Variants in COG5 observed in about 807,000 individuals in gnomAD.
The protein encoded by COG5 is conserved oligomeric Golgi complex subunit 5.
A neutral mutation model predicts 110.4 loss-of-function variants in COG5; 86 were observed. The observed-to-expected ratio is 0.78, with a 90% CI of 0.65 to 0.93. The LOEUF (loss-of-function observed/expected upper bound fraction) is 0.93, where lower values mean the gene tolerates loss of function less well. Among genes scored for constraint, COG5 ranks in the 40% least tolerant of loss-of-function variants. The probability of loss-of-function intolerance (pLI) is 0.00; values close to 1 mark genes in which losing one functional copy is unlikely to be tolerated. For missense variants in COG5, 1,077 were observed against 987.0 expected (o/e 1.09, Z -1.22); for synonymous variants, 360 against 334.6 (o/e 1.08, Z -0.83).
intron 12 of COG5, among the ~76,000 whole-genome samples, chr7:107,285,884 CCT>C (rs1805586707): frequency 6.6e-6 from 1 of 151,558 alleles, no homozygotes; most frequent in African/African-American, 2.4e-5. Flanking sequence ...AAAAAAATTC[CCT>C]GTCTTCTTAA....
chr7:107,222,891 T>TA (rs541252214), intron 19 of COG5, among the ~76,000 whole-genome samples: 27 of 150,584 alleles, frequency 1.8e-4, no homozygotes, highest in Admixed American at 4.0e-4. Flanking sequence ...TAGGTCTCAT[T>TA]AAAAAAAAAC....
intron 19 of COG5, among the ~76,000 whole-genome samples, chr7:107,229,028 A>T (rs542874964): frequency 1.3e-5 from 2 of 152,204 alleles, no homozygotes; most frequent in African/African-American, 4.8e-5. Context: ...CTTATTGAGA[A>T]ATCTTCAACC....
chr7:107,332,019 T>C (rs1045507270), intron 10 of COG5, among the ~76,000 whole-genome samples: 1 of 152,058 alleles, frequency 6.6e-6, no homozygotes, highest in Non-Finnish European at 1.5e-5. Context: ...CAGATAATTT[T>C]TGTATTTTTA....
chr7:107,282,410 A>C (rs1433371242), intron 13 of COG5, among the ~76,000 whole-genome samples: 4 of 152,230 alleles, frequency 2.6e-5, no homozygotes, highest in African/African-American at 7.2e-5. Context: ...AGTCAGAAGG[A>C]AAGTCAAGGC....
intron 5 of COG5, among the ~76,000 whole-genome samples, chr7:107,547,845 T>G (rs560291230): frequency 6.6e-6 from 1 of 152,054 alleles, no homozygotes; most frequent in Non-Finnish European, 1.5e-5. Flanking sequence ...CATCTATACA[T>G]TGAAAGCTAT....
intron 7 of COG5, among the ~76,000 whole-genome samples, chr7:107,386,532 T>A (rs927284959): frequency 6.6e-6 from 1 of 152,164 alleles, no homozygotes; most frequent in South Asian, 2.1e-4. Context: ...CAGTAAGTCA[T>A]TGGTGCCCAC....
chr7:107,550,446 C>T (rs1802804490), intron 3 of COG5, among the ~76,000 whole-genome samples: 1 of 152,144 alleles, frequency 6.6e-6, no homozygotes. Flanking sequence ...AATCCAAATT[C>T]CTTCCCAAGA....
intron 6 of COG5, among the ~76,000 whole-genome samples, chr7:107,506,399 A>C (rs894246406): frequency 2.0e-5 from 3 of 152,176 alleles, no homozygotes; most frequent in Admixed American, 1.3e-4. Flanking sequence ...GGGTAAAGCC[A>C]GGTGGGGGCT....
intron 10 of COG5, among the ~76,000 whole-genome samples, chr7:107,356,197 G>A (rs1476429983): frequency 2.0e-5 from 3 of 152,130 alleles, no homozygotes; most frequent in Non-Finnish European, 4.4e-5. Flanking sequence ...AAGAAGAAAT[G>A]AAATACAGAA....
intron 16 of COG5, 101 bp downstream of exon 16, chr7:107,256,631 G>A: frequency 2.7e-6 from 2 of 750,046 alleles, no homozygotes; most frequent in Non-Finnish European, 2.4e-6. Flanking sequence ...TGTATATATA[G>A]AGGATTCTGA....
intron 11 of COG5, among the ~76,000 whole-genome samples, chr7:107,317,930 T>C (rs1023251581): frequency 1.3e-5 from 2 of 152,254 alleles, no homozygotes; most frequent in Non-Finnish European, 2.9e-5. Context: ...ACGATTTTAC[T>C]AAAAATGTTC....
At chr7:107,445,502 T>C (rs543920588) in intron 6 of COG5, among the ~76,000 whole-genome samples, 2 of 152,316 alleles carry the variant, frequency 1.3e-5, no homozygotes, top group East Asian at 1.9e-4. Flanking sequence ...GACTACTATT[T>C]ACAAACAGGT....
chr7:107,328,736 T>A (rs963314418), intron 10 of COG5, among the ~76,000 whole-genome samples: 3 of 152,208 alleles, frequency 2.0e-5, no homozygotes, highest in Non-Finnish European at 2.9e-5. Flanking sequence ...GAAATTTCAC[T>A]AGTTAAAACA....
intron 21 of COG5, among the ~76,000 whole-genome samples, chr7:107,205,957 T>C (rs948271728): frequency 6.6e-6 from 1 of 151,470 alleles, no homozygotes. Context: ...TGTAGCTGTT[T>C]TTTTTTTTTT....
chr7:107,455,176 A>G (rs1795583892), intron 6 of COG5, among the ~76,000 whole-genome samples: 1 of 152,242 alleles, frequency 6.6e-6, no homozygotes, highest in Non-Finnish European at 1.5e-5. Flanking sequence ...AGAAGAGAGC[A>G]TGTTAACAGA....
At chr7:107,547,839 T>C (rs1394987598) in intron 5 of COG5, among the ~76,000 whole-genome samples, 1 of 151,990 alleles carries the variant, frequency 6.6e-6, no homozygotes, top group Non-Finnish European at 1.5e-5. Context: ...GTGAAGCATC[T>C]ATACATTGAA....
chr7:107,229,495 A>G (rs1205179668), intron 19 of COG5, among the ~76,000 whole-genome samples: 1 of 152,200 alleles, frequency 6.6e-6, no homozygotes, highest in Admixed American at 6.5e-5. Context: ...TAAACAACTT[A>G]TAAAGTTCTG....
chr7:107,298,195 T>C lies in COG5; in HGVS notation c.1260A>G (p.Gln420=). 2.5e-6 allele frequency: 4 copies of C among 1,613,602 alleles called. No homozygotes were observed. Among genetic ancestry groups the C allele is most frequent in the Non-Finnish European group, 3.4e-6 (4 of 1,179,680 alleles). ...TATCTTGTGCATCATCTTCCATGTG[T>C]TGTAGGTCAACATAGAGGTCTGTAG... ...SGTTDLYVDL[Q]HMEDDAQDIF... Residue 420 remains glutamine (Q), a synonymous_variant, in exon 12 of 22, where the codon CAA becomes CAG. Transcript: ENST00000297135.
intron 12 of COG5, among the ~76,000 whole-genome samples, chr7:107,287,375 C>T (rs1121312): frequency 0.16 from 23,776 of 152,130 alleles, 2,321 homozygotes; most frequent in Non-Finnish European, 0.22. Flanking sequence ...TGTTATCAGG[C>T]AAATCATGTG....
Sources: gnomAD v4.1 joint callset for allele counts (sites outside exome capture counted in the v4.1 genomes callset) on GRCh38, gnomAD v4.1.1 for gene constraint, MANE v1.5 for transcripts, NCBI Gene and HGNC (gene_info 2026-07-23, HGNC 2026-07-21) for gene names.